Variants in RHBDL3 observed in about 807,000 individuals in gnomAD.
RHBDL3 encodes the protein rhomboid-related protein 3.
A neutral mutation model predicts 48.2 loss-of-function variants in RHBDL3; 28 were observed. The observed-to-expected ratio is 0.58, with a 90% CI of 0.43 to 0.80. The LOEUF is 0.80. Among genes scored for constraint, RHBDL3 ranks in the 30% least tolerant of loss-of-function variants. The pLI is 0.00. For missense variants in RHBDL3, 464 were observed against 542.7 expected (o/e 0.85, Z 1.44); for synonymous variants, 208 against 232.3 (o/e 0.90, Z 0.95).
chr17:32,293,831 T>A (rs2150723914), intron 4 of RHBDL3, among the ~76,000 whole-genome samples: 1 of 151,822 alleles, frequency 6.6e-6, no homozygotes, highest in African/African-American at 2.4e-5. Context: ...TGAGGGGTGG[T>A]TAAAAGCTCA....
chr17:32,273,535 C>T (rs1353919532), intron 2 of RHBDL3, among the ~76,000 whole-genome samples: 1 of 152,168 alleles, frequency 6.6e-6, no homozygotes, highest in African/African-American at 2.4e-5. Context: ...AATGGGCAAG[C>T]CAGGTGACCT....
intron 7 of RHBDL3, among the ~76,000 whole-genome samples, chr17:32,309,197 TG>T (rs2040781902): frequency 6.6e-6 from 1 of 151,818 alleles, no homozygotes; most frequent in Admixed American, 6.6e-5. Context: ...TGTGTGTGTG[TG>T]TGTGTGTGTG....
chr17:32,307,561 TAGAC>T (rs1258619540), intron 7 of RHBDL3, among the ~76,000 whole-genome samples: 4 of 152,010 alleles, frequency 2.6e-5, no homozygotes, highest in Non-Finnish European at 4.4e-5. Context: ...GGGGGAGAGA[TAGAC>T]AGACACTGAG....
At chr17:32,304,461 A>C (rs2040660969) in intron 6 of RHBDL3, among the ~76,000 whole-genome samples, 2 of 152,194 alleles carry the variant, frequency 1.3e-5, no homozygotes, top group African/African-American at 4.8e-5. Flanking sequence ...TGCATCAGGC[A>C]GACCCAGATG....
intron 2 of RHBDL3, among the ~76,000 whole-genome samples, chr17:32,268,135 C>G (rs775296422): frequency 6.6e-6 from 1 of 152,150 alleles, no homozygotes; most frequent in Non-Finnish European, 1.5e-5. Flanking sequence ...TCCCTCCTGC[C>G]TCCTCCCTAC....
At chr17:32,277,181 C>T (rs2039933574) in intron 2 of RHBDL3, among the ~76,000 whole-genome samples, 1 of 152,220 alleles carries the variant, frequency 6.6e-6, no homozygotes, top group Non-Finnish European at 1.5e-5. Context: ...CTTTGAGGTC[C>T]TTGAAAGTAC....
chr17:32,309,205 TGTGTGTGTGTGA>T (rs1356019747), intron 7 of RHBDL3, among the ~76,000 whole-genome samples: 8 of 137,028 alleles, frequency 5.8e-5, no homozygotes, highest in Admixed American at 1.4e-4. Context: ...TGTGTGTGTG[TGTGTGTGTGTGA>T]GATACACAGT....
chr17:32,267,696 C>A, intron 1 of RHBDL3: 1 of 703,990 alleles, frequency 1.4e-6, no homozygotes, highest in Admixed American at 5.4e-5. Flanking sequence ...TGAGTTTCCT[C>A]CCTCTGCTCA....
rs763183513 is a variant in RHBDL3 at position 32,288,981 on chromosome 17, C to G, written c.484C>G (p.Pro162Ala). The stretch of plus-strand genomic sequence containing the variant: ...CTATGACAGCTACACCTGCTGCCCC[C>G]CACCCTGGTTCATGATCACAGTCAC... ...WYYDSYTCCP[P>A]PWFMITVTLL... Residue 162 changes from proline (P) to alanine (A), a missense_variant, in exon 4 of 9, where the codon CCA becomes GCA. Coordinates refer to ENST00000269051, the MANE Select transcript of RHBDL3 (RefSeq NM_138328.3). The G allele has an allele frequency of 6.2e-7, 1 of 1,614,180 alleles. No homozygotes were observed. The highest frequency in any genetic ancestry group is 1.1e-5 in the South Asian group (1 of 91,084).
intron 3 of RHBDL3, among the ~76,000 whole-genome samples, chr17:32,286,391 G>A (rs536599971): frequency 2.8e-4 from 43 of 152,284 alleles, no homozygotes; most frequent in Non-Finnish European, 5.4e-4. Context: ...CTGGAGAGCA[G>A]ACAAAGGGAC....
chr17:32,304,440 C>T (rs1187076646), intron 6 of RHBDL3, among the ~76,000 whole-genome samples: 4 of 152,122 alleles, frequency 2.6e-5, no homozygotes, highest in Non-Finnish European at 2.9e-5. Context: ...GTCAAGAACA[C>T]GGGTGGGTTT....
At position 32,321,069 on chromosome 17, in the gene RHBDL3, C is replaced by T. The variant is rs1447812673; in HGVS notation, c.1055C>T (p.Thr352Ile). 6.2e-7 allele frequency: 1 copy of T among 1,614,234 alleles called. No individual in the cohort carries two copies. The highest frequency in any genetic ancestry group is 8.5e-7 in the Non-Finnish European group (1 of 1,180,026). Residue 352 changes from threonine to isoleucine, a missense_variant, in exon 9 of 9, where the codon ACC becomes ATC. Transcript: ENST00000269051. ...TTGGGTGGCGTGGCCGTGGGCATCA[C>T]CCTGGGCGTGGTGGTCCTGAGGAAC... ...AHLGGVAVGI[T>I]LGVVVLRNYE...
At chr17:32,292,801 CAAAAA>C (rs60403728) in intron 4 of RHBDL3, among the ~76,000 whole-genome samples, 3 of 77,258 alleles carry the variant, frequency 3.9e-5, no homozygotes, top group African/African-American at 1.0e-4. Context: ...GACTCCACCT[CAAAAA>C]AAAAAAAAAA....
chr17:32,322,775 G>C lies in RHBDL3; in HGVS notation c.*1546G>C, dbSNP rs1052488730. ...GGAATGACCCTCCTAACAGGAGCTG[G>C]TGCAGGCCCCGAATGGAGGGCATGA... On this transcript the variant is annotated 3_prime_UTR_variant, in exon 9 of 9. Transcript: ENST00000269051. 2 of 152,294 alleles carry C rather than the reference G, an allele frequency of 1.3e-5. No homozygotes were observed. Among genetic ancestry groups the C allele is most frequent in the Admixed American group, 1.3e-4 (2 of 15,274 alleles). 9.4% of individuals were successfully genotyped at this position (152,294 alleles called of 1,614,324 possible). A position where few individuals can be genotyped will look rare whatever the true frequency, so the allele number is the denominator to read the frequency against.
intron 2 of RHBDL3, 79 bp downstream of exon 2, chr17:32,268,004 C>G (rs1407439294): frequency 2.0e-5 from 22 of 1,078,468 alleles, no homozygotes; most frequent in Admixed American, 1.4e-4. Flanking sequence ...CGTGGGCTTC[C>G]CTAGCTCCGC....
intron 4 of RHBDL3, 29 bp downstream of exon 4, chr17:32,289,045 T>A: frequency 6.2e-7 from 1 of 1,601,452 alleles, no homozygotes; most frequent in Non-Finnish European, 8.6e-7. Context: ...AGGGGGTTGC[T>A]CTGCCTTGGG....
At chr17:32,271,020 A>AC (rs1435265796) in intron 2 of RHBDL3, among the ~76,000 whole-genome samples, 3 of 152,082 alleles carry the variant, frequency 2.0e-5, no homozygotes, top group African/African-American at 7.2e-5. Context: ...ACATAGCGAG[A>AC]CCCCACCTCC....
At chr17:32,278,253 G>T (rs1368185225) in intron 2 of RHBDL3, among the ~76,000 whole-genome samples, 1 of 152,132 alleles carries the variant, frequency 6.6e-6, no homozygotes, top group Non-Finnish European at 1.5e-5. Context: ...AGCCAAGATC[G>T]CACCACTGCA....
chr17:32,297,541 G>T (rs979333852), intron 5 of RHBDL3, among the ~76,000 whole-genome samples: 4 of 152,014 alleles, frequency 2.6e-5, no homozygotes, highest in African/African-American at 4.8e-5. Flanking sequence ...GAATGGAGCA[G>T]GTCAGGCAGA....
Sources: gnomAD v4.1 joint callset for allele counts (sites outside exome capture counted in the v4.1 genomes callset) on GRCh38, gnomAD v4.1.1 for gene constraint, MANE v1.5 for transcripts, NCBI Gene and HGNC (gene_info 2026-07-23, HGNC 2026-07-21) for gene names.